NELL2: variants seen among roughly 807,000 people sequenced by gnomAD.
NELL2 encodes protein kinase C-binding protein NELL2.
Under a neutral mutation model 109.6 loss-of-function variants are expected in NELL2, and 41 were observed. The ratio of observed to expected loss-of-function variants is 0.37; its 90% CI spans 0.29 to 0.49. The LOEUF (loss-of-function observed/expected upper bound fraction) is 0.49, where lower values mean the gene tolerates loss of function less well. NELL2 is among the 20% of genes least tolerant of loss of function. The pLI, the probability that NELL2 is intolerant of heterozygous loss-of-function variation, is 0.98. For missense variants in NELL2, 900 were observed against 1,008.3 expected (o/e 0.89, Z 1.45); for synonymous variants, 355 against 344.7 (o/e 1.03, Z -0.33).
At chr12:44,701,369 G>T (rs1437882826) in intron 12 of NELL2, among the ~76,000 whole-genome samples, 2 of 151,966 alleles carry the variant, frequency 1.3e-5, no homozygotes, top group Non-Finnish European at 2.9e-5. Context: ...TTAGTATAAA[G>T]TTGTAAAACA....
At chr12:44,542,722 G>A (rs1466308530) in intron 15 of NELL2, among the ~76,000 whole-genome samples, 1 of 152,122 alleles carries the variant, frequency 6.6e-6, no homozygotes, top group Non-Finnish European at 1.5e-5. Context: ...AGACTTTCCT[G>A]TTTCAGTCTG....
At chr12:44,760,468 G>A (rs1177166305) in intron 9 of NELL2, among the ~76,000 whole-genome samples, 1 of 151,972 alleles carries the variant, frequency 6.6e-6, no homozygotes, top group Non-Finnish European at 1.5e-5. Context: ...GACGAGTGAT[G>A]GTAGATTTGC....
At chr12:44,681,382 TTTTTTATTTA>T (rs1948496964) in intron 12 of NELL2, among the ~76,000 whole-genome samples, 2 of 150,046 alleles carry the variant, frequency 1.3e-5, no homozygotes, top group South Asian at 2.1e-4. Flanking sequence ...GGCATAACCC[TTTTTTATTTA>T]TTTTTATTTA....
At chr12:44,836,006 T>C (rs1302889472) in intron 2 of NELL2, among the ~76,000 whole-genome samples, 1 of 152,038 alleles carries the variant, frequency 6.6e-6, no homozygotes, top group Admixed American at 6.5e-5. Context: ...TGCTAGGGCA[T>C]AAGGTATGTG....
At chr12:44,749,689 G>A (rs149351931) in intron 9 of NELL2, among the ~76,000 whole-genome samples, 27 of 152,208 alleles carry the variant, frequency 1.8e-4, no homozygotes, top group African/African-American at 5.8e-4. Context: ...AGTCCCCCTC[G>A]GAGGAGGAAA....
At chr12:44,786,593 A>G (rs1942180823) in intron 3 of NELL2, among the ~76,000 whole-genome samples, 1 of 152,162 alleles carries the variant, frequency 6.6e-6, no homozygotes, top group South Asian at 2.1e-4. Context: ...TTTCTGCAGC[A>G]CTATTTACAA....
At chr12:44,912,120 T>C (rs1038551864) in intron 1 of NELL2, among the ~76,000 whole-genome samples, 2 of 151,802 alleles carry the variant, frequency 1.3e-5, no homozygotes, top group Admixed American at 6.6e-5. Context: ...GAGAAAAAAA[T>C]CAGCAGAATC....
intron 13 of NELL2, among the ~76,000 whole-genome samples, chr12:44,642,150 A>C (rs1946882344): frequency 6.6e-6 from 1 of 152,164 alleles, no homozygotes; most frequent in Non-Finnish European, 1.5e-5. Context: ...ATGAGTCACC[A>C]GGGATACATG....
intron 3 of NELL2, among the ~76,000 whole-genome samples, chr12:44,783,224 A>T (rs532444576): frequency 6.6e-6 from 1 of 151,926 alleles, no homozygotes; most frequent in South Asian, 2.1e-4. Flanking sequence ...TGCCAAAAAA[A>T]CAGGTAAAGC....
At chr12:44,748,311 C>T (rs1302586954) in intron 9 of NELL2, among the ~76,000 whole-genome samples, 3 of 151,980 alleles carry the variant, frequency 2.0e-5, no homozygotes, top group Non-Finnish European at 2.9e-5. Context: ...AAATTTCAGA[C>T]CTTTGATAGT....
chr12:44,904,175 A>T (rs957040748), intron 1 of NELL2, among the ~76,000 whole-genome samples: 4 of 152,120 alleles, frequency 2.6e-5, no homozygotes, highest in African/African-American at 9.7e-5. Flanking sequence ...AAGATAGCAA[A>T]TTAAAATAAT....
intron 13 of NELL2, among the ~76,000 whole-genome samples, chr12:44,654,410 T>C (rs185940780): frequency 1.3e-3 from 203 of 152,322 alleles, no homozygotes; most frequent in African/African-American, 4.6e-3. Context: ...ATAATACTCA[T>C]CGTTTGTGGT....
At chr12:44,671,420 A>G (rs530011963) in intron 12 of NELL2, among the ~76,000 whole-genome samples, 125 of 152,308 alleles carry the variant, frequency 8.2e-4, no homozygotes, top group African/African-American at 2.1e-3. Flanking sequence ...AATTAGTAGA[A>G]GAAAAGAAAT....
chr12:44,713,231 G>T (rs930360194), intron 10 of NELL2, among the ~76,000 whole-genome samples: 1 of 150,922 alleles, frequency 6.6e-6, no homozygotes, highest in African/African-American at 2.4e-5. Flanking sequence ...GAGACAGAGA[G>T]AGAGAGAGAG....
At chr12:44,513,825 T>C (rs1479382290) in intron 19 of NELL2, among the ~76,000 whole-genome samples, 1 of 151,234 alleles carries the variant, frequency 6.6e-6, no homozygotes, top group Non-Finnish European at 1.5e-5. Flanking sequence ...CTCAGAAAAC[T>C]ATGAGAGAAA....
intron 3 of NELL2, among the ~76,000 whole-genome samples, chr12:44,808,156 T>C (rs1246812889): frequency 6.6e-6 from 1 of 152,094 alleles, no homozygotes; most frequent in Non-Finnish European, 1.5e-5. Flanking sequence ...AACTGATTCA[T>C]TCTTTGACCC....
At chr12:44,614,154 T>C (rs1945731867) in intron 13 of NELL2, among the ~76,000 whole-genome samples, 1 of 152,012 alleles carries the variant, frequency 6.6e-6, no homozygotes, top group Non-Finnish European at 1.5e-5. Context: ...ATATCCTCAG[T>C]AAAAATTTCA....
intron 15 of NELL2, among the ~76,000 whole-genome samples, chr12:44,544,975 G>A (rs892757556): frequency 1.1e-4 from 16 of 151,994 alleles, no homozygotes; most frequent in African/African-American, 3.9e-4. Context: ...GGGAACTATA[G>A]GAGGGATTGT....
At chr12:44,800,915 C>T (rs575632878) in intron 3 of NELL2, among the ~76,000 whole-genome samples, 1 of 152,292 alleles carries the variant, frequency 6.6e-6, no homozygotes, top group South Asian at 2.1e-4. Flanking sequence ...CATCTGTTTT[C>T]TGACATGCTT....
Sources: allele counts gnomAD v4.1 joint callset (sites outside exome capture counted in the v4.1 genomes callset), GRCh38; gene constraint gnomAD v4.1.1; transcripts MANE v1.5; gene names NCBI Gene and HGNC (gene_info 2026-07-23, HGNC 2026-07-21).